The following PCDH11X variants were observed in gnomAD, a reference collection of about 807,000 sequenced individuals.
The protein encoded by PCDH11X is protocadherin-11 X-linked.
Under a neutral mutation model 53.3 loss-of-function variants are expected in PCDH11X, and 18 were observed. The ratio of observed to expected loss-of-function variants is 0.34; its 90% CI spans 0.23 to 0.50. The LOEUF (loss-of-function observed/expected upper bound fraction) is 0.50. PCDH11X is among the 20% of genes least tolerant of loss of function. PCDH11X has a pLI of 0.98. For synonymous variants in PCDH11X, 279 were observed against 393.3 expected (o/e 0.71, Z 3.44); for missense variants, 570 against 1,032.4 (o/e 0.55, Z 6.14).
At chrX:91,958,729 T>G (rs2061743738) in intron 6 of PCDH11X, among the ~76,000 whole-genome samples, 1 of 111,046 alleles carries the variant, frequency 9.0e-6, no homozygotes, top group Non-Finnish European at 1.9e-5. Flanking sequence ...CCCTCACCCT[T>G]TCTTGTTCCT....
At chrX:92,221,190 A>G (rs1485100631) in intron 7 of PCDH11X, among the ~76,000 whole-genome samples, 1 of 75,963 alleles carries the variant, frequency 1.3e-5, no homozygotes, top group African/African-American at 4.5e-5. Context: ...CCTAAAACTT[A>G]AAGTATAATA....
chrX:91,965,297 T>C (rs1602577454), intron 6 of PCDH11X, among the ~76,000 whole-genome samples: 1 of 108,265 alleles, frequency 9.2e-6, no homozygotes, highest in African/African-American at 3.4e-5. Context: ...GTAAGTTACA[T>C]TTGAGAGCAC....
In PCDH11X at chrX:92,620,724, G is replaced by A. The variant is rs1443118925; in HGVS notation, c.*1784G>A. The A allele has an allele frequency of 1.8e-5, 2 of 110,074 alleles. No individual in the cohort carries two copies. Among genetic ancestry groups the A allele is most frequent in the African/African-American group, 6.7e-5 (2 of 29,879 alleles). 9.1% of individuals were successfully genotyped at this position (110,074 alleles called of 1,213,427 possible). On this transcript the variant is annotated 3_prime_UTR_variant, in exon 11 of 11. Transcript: ENST00000682573. Reference sequence around the variant, plus strand: ...TCCCATCCATTGTAAAGTTCCTTAAGTCATATTTGACTGGGCGTGCAGAAT... The same window carrying A: ...TCCCATCCATTGTAAAGTTCCTTAAATCATATTTGACTGGGCGTGCAGAAT...
At chrX:92,323,533 T>G (rs1192975435) in intron 8 of PCDH11X, among the ~76,000 whole-genome samples, 1 of 110,862 alleles carries the variant, frequency 9.0e-6, no homozygotes. Context: ...CCATTTTCCT[T>G]GACTTTCAGA....
intron 6 of PCDH11X, among the ~76,000 whole-genome samples, chrX:92,071,106 G>A (rs1273104033): frequency 1.8e-5 from 2 of 108,678 alleles, no homozygotes; most frequent in Non-Finnish European, 3.8e-5. Context: ...CACCCGGCAA[G>A]GCCAGTAACT....
chrX:92,038,240 G>A (rs1569321384), intron 6 of PCDH11X, among the ~76,000 whole-genome samples: 3 of 106,521 alleles, frequency 2.8e-5, no homozygotes, highest in African/African-American at 1.0e-4. Context: ...TCCAGGGCAT[G>A]TTAGAGGTCT....
chrX:92,208,720 G>A (rs780112688), intron 7 of PCDH11X, among the ~76,000 whole-genome samples: 4 of 105,062 alleles, frequency 3.8e-5, no homozygotes, highest in East Asian at 6.0e-4. Context: ...AAATATCCCC[G>A]AAAATGCAAT....
chrX:92,209,720 G>A (rs2066545762), intron 7 of PCDH11X, among the ~76,000 whole-genome samples: 1 of 112,670 alleles, frequency 8.9e-6, no homozygotes. Flanking sequence ...GGGACTGTGT[G>A]TGAGGGCTCC....
chrX:92,231,999 G>T (rs773362730), intron 7 of PCDH11X, among the ~76,000 whole-genome samples: 2 of 111,603 alleles, frequency 1.8e-5, no homozygotes, highest in African/African-American at 6.5e-5. Flanking sequence ...GAGATTTGCG[G>T]AACTATTCGG....
chrX:92,402,547 T>C (rs1209747051), intron 9 of PCDH11X, among the ~76,000 whole-genome samples: 3 of 111,875 alleles, frequency 2.7e-5, no homozygotes, highest in Non-Finnish European at 5.6e-5. Context: ...GAACTCCCTA[T>C]TCAATAAATG....
chrX:92,089,510 G>C (rs190581070), intron 6 of PCDH11X, among the ~76,000 whole-genome samples: 1 of 111,498 alleles, frequency 9.0e-6, no homozygotes, highest in East Asian at 2.8e-4. Context: ...ACTACCATAA[G>C]TAAATTATTT....
At chrX:92,524,595 T>A (rs2074419119) in intron 10 of PCDH11X, among the ~76,000 whole-genome samples, 1 of 105,694 alleles carries the variant, frequency 9.5e-6, no homozygotes, top group Admixed American at 1.0e-4. Context: ...AAGATTTGTG[T>A]TTAGTTTCAT....
chrX:91,878,063 C>T lies in PCDH11X; in HGVS notation c.1823C>T (p.Ser608Phe). The change falls in exon 6 of 11, where the codon TCC (serine) becomes TTC (phenylalanine). Residue 608 changes from serine to phenylalanine, a missense_variant. This residue lies in a region of PCDH11X where 226 missense variants were observed against 457.5 expected (regional missense o/e 0.49). Coordinates refer to ENST00000682573, the MANE Select transcript of PCDH11X (RefSeq NM_032968.5). ...DYGDNSAVTL[S>F]ILDENDDFTI... ...GGAGACAATTCTGCAGTTACGCTCT[C>T]CATTTTAGATGAGAATGATGACTTC... 8.3e-7 allele frequency: 1 copy of T among 1,208,022 alleles called. No individual in the cohort carries two copies. The highest frequency in any genetic ancestry group is 1.1e-6 in the Non-Finnish European group (1 of 893,677).
chrX:92,153,068 G>C (rs1384569398), intron 6 of PCDH11X, among the ~76,000 whole-genome samples: 2 of 108,014 alleles, frequency 1.9e-5, no homozygotes, highest in African/African-American at 3.4e-5. Flanking sequence ...TTACAGGCGT[G>C]AGCCACCGCA....
At chrX:92,157,694 C>T (rs2065563156) in intron 6 of PCDH11X, among the ~76,000 whole-genome samples, 2 of 111,835 alleles carry the variant, frequency 1.8e-5, no homozygotes, top group African/African-American at 3.2e-5. Context: ...GTCACATTAT[C>T]AGTATCCACT....
chrX:91,833,198 A>G (rs1283678015), intron 4 of PCDH11X, among the ~76,000 whole-genome samples: 2 of 108,117 alleles, frequency 1.8e-5, no homozygotes, highest in African/African-American at 3.4e-5. Context: ...TTTAATTCCA[A>G]TTGTCACTGC....
chrX:92,253,260 G>A (rs751115495), intron 7 of PCDH11X, among the ~76,000 whole-genome samples: 70 of 111,357 alleles, frequency 6.3e-4, no homozygotes, highest in South Asian at 2.2e-3. Flanking sequence ...GTAGGTGTGC[G>A]GATTTGTTTC....
Position 91,862,451 on chromosome X carries a change from A to AT in PCDH11X, c.541-14324dup, listed in dbSNP as rs767145584. Among the ~76,000 whole-genome samples the AT allele has an allele frequency of 7.5e-3, 793 of 105,954 alleles. 1 individual carries two copies. The highest frequency in any genetic ancestry group is 0.016 in the African/African-American group (481 of 29,174). 92.0% of individuals were successfully genotyped at this position (105,954 alleles called of 115,157 possible). ...TCTGCAGTGTCAGTTGTAAAGTCTC[A>AT]TTTTTTCATTTCTGATTTTATTTAT... On this transcript the variant is annotated intron_variant, in intron 5 of 10. Transcript: ENST00000682573.
At chrX:91,919,546 C>T (rs899765142) in intron 6 of PCDH11X, among the ~76,000 whole-genome samples, 2 of 111,138 alleles carry the variant, frequency 1.8e-5, no homozygotes, top group Non-Finnish European at 3.8e-5. Flanking sequence ...ATAACATCCT[C>T]ACCAAAGCTT....
Sources: allele counts gnomAD v4.1 joint callset (sites outside exome capture counted in the v4.1 genomes callset), GRCh38; gene constraint gnomAD v4.1.1; regional missense constraint gnomAD v4.1.1; transcripts MANE v1.5; gene names NCBI Gene and HGNC (gene_info 2026-07-23, HGNC 2026-07-21).